PTPN5: variants seen among roughly 807,000 people sequenced by gnomAD.
The protein encoded by PTPN5 is tyrosine-protein phosphatase non-receptor type 5.
Under a neutral mutation model 73.9 loss-of-function variants are expected in PTPN5, and 29 were observed. The ratio of observed to expected loss-of-function variants is 0.39; its 90% CI spans 0.29 to 0.54. The LOEUF is 0.54. Ranked by LOEUF, PTPN5 falls within the 20% of genes least tolerant of loss-of-function variation. The pLI is 0.65. For synonymous variants in PTPN5, 267 were observed against 304.7 expected, an observed-to-expected ratio of 0.88 and a Z score of 1.29; for missense variants, 652 against 751.4, an observed-to-expected ratio of 0.87 and a Z score of 1.55.
At position 18,750,688 on chromosome 11, in the gene PTPN5, C is replaced by T. The variant is rs559722846; in HGVS notation, c.98-6489G>A. 4.6e-5 allele frequency among the ~76,000 whole-genome samples: 7 copies of T among 152,304 alleles called. No homozygotes were observed. In the South Asian group the frequency reaches 1.5e-3, roughly 32 times the overall value. On this transcript the variant is annotated intron_variant, in intron 3 of 14. Transcript: ENST00000358540. ...CAGGGAGGATTTGCCCTCCCTTATC[C>T]TCCTATCCTGCCAGCTTGGAGCCAG... is the stretch of plus-strand genomic sequence containing the variant.
At chr11:18,786,901 C>T (rs1851698751) in intron 1 of PTPN5, among the ~76,000 whole-genome samples, 1 of 152,148 alleles carries the variant, frequency 6.6e-6, no homozygotes, top group African/African-American at 2.4e-5. Flanking sequence ...AGCATCTTGT[C>T]CTGCAAATAT....
intron 1 of PTPN5, among the ~76,000 whole-genome samples, chr11:18,779,870 C>T (rs113173929): frequency 0.016 from 2,461 of 152,312 alleles, 53 homozygotes; most frequent in African/African-American, 0.055. Flanking sequence ...GGCCTTGGGT[C>T]GGTGTCCTAA....
chr11:18,742,176 G>A lies in PTPN5; in HGVS notation c.725+86C>T. 1 of 1,560,058 alleles carries A rather than the reference G, an allele frequency of 6.4e-7. No individual in the cohort carries two copies. On this transcript the variant is annotated intron_variant, in intron 7 of 14. Coordinates refer to ENST00000358540, the MANE Select transcript of PTPN5 (RefSeq NM_006906.2). The surrounding 1 kb of genome is among the most constrained non-coding windows in gnomAD (Gnocchi z 4.1). The stretch of plus-strand genomic sequence containing the variant: ...AAGGCCAGCTCTGCCCTGGGCACCA[G>A]GAGTCAGAGTCAGGCATCCACTCTT...
At chr11:18,767,394 G>A (rs1354582746) in intron 2 of PTPN5, among the ~76,000 whole-genome samples, 1 of 152,212 alleles carries the variant, frequency 6.6e-6, no homozygotes, top group African/African-American at 2.4e-5. Context: ...CCTGCAGAGA[G>A]GAGGTCACTT....
chr11:18,763,692 T>G (rs7924452), intron 3 of PTPN5, among the ~76,000 whole-genome samples: 148,746 of 152,320 alleles, frequency 0.98, 72,705 homozygotes, highest in Middle Eastern at 1. Context: ...TTTATTTACC[T>G]CTATATATCT....
chr11:18,750,942 T>C (rs995249632), intron 3 of PTPN5, among the ~76,000 whole-genome samples: 1 of 152,168 alleles, frequency 6.6e-6, no homozygotes, highest in Non-Finnish European at 1.5e-5. Flanking sequence ...ACAAGGGGGA[T>C]TGGTGGAGCA....
chr11:18,743,937 G>T, intron 4 of PTPN5, 69 bp downstream of exon 4: 1 of 1,501,480 alleles, frequency 6.7e-7, no homozygotes, highest in South Asian at 1.3e-5. Context: ...CCATCCTGGG[G>T]AGGAAGTGGG....
At chr11:18,764,338 A>G (rs1046496894) in intron 3 of PTPN5, among the ~76,000 whole-genome samples, 3 of 152,194 alleles carry the variant, frequency 2.0e-5, no homozygotes, top group Non-Finnish European at 4.4e-5. Flanking sequence ...CTTCCGCAAG[A>G]CAGCCATTCA....
intron 1 of PTPN5, among the ~76,000 whole-genome samples, chr11:18,780,555 C>G (rs1851370834): frequency 2.0e-5 from 3 of 152,116 alleles, no homozygotes; most frequent in African/African-American, 7.2e-5. Flanking sequence ...TGGTTTCCAG[C>G]CCTTCCAAGG....
At chr11:18,756,774 A>G (rs1419137218) in intron 3 of PTPN5, among the ~76,000 whole-genome samples, 3 of 151,798 alleles carry the variant, frequency 2.0e-5, no homozygotes, top group African/African-American at 4.8e-5. Context: ...TAAAAAAAAA[A>G]TTAGCCGGGT....
chr11:18,742,926 G>A lies in PTPN5; in HGVS notation c.483+66C>T, dbSNP rs1849437009. The A allele has an allele frequency of 3.8e-6, 4 of 1,063,140 alleles. No individual in the cohort carries two copies. The African/African-American group carries it at 6.3e-5, about 17-fold the overall frequency. The allele number at this position is 1,063,140 out of a possible 1,614,324, so 65.9% of individuals were successfully genotyped here. ...CCAGCCTATAAGTCAGATGGGAGCT[G>A]GTAGAAATCCAGGCCTCAAGGTCAG... is the stretch of plus-strand genomic sequence containing the variant. On this transcript the variant is annotated intron_variant, in intron 6 of 14. Coordinates refer to ENST00000358540, the MANE Select transcript of PTPN5 (RefSeq NM_006906.2). The surrounding 1 kb of genome is among the most constrained non-coding windows in gnomAD (Gnocchi z 4.1).
At position 18,768,029 on chromosome 11, in the gene PTPN5, T is replaced by C. The variant is rs571109774; in HGVS notation, c.21-2146A>G. On this transcript the variant is annotated intron_variant, in intron 2 of 14. Coordinates refer to ENST00000358540, the MANE Select transcript of PTPN5 (RefSeq NM_006906.2). ...CTCCATCATTAGACTGTGGCTTTCA[T>C]GAAGGCAGGGTCCACTATTTCTGTT... 9.8e-5 allele frequency among the ~76,000 whole-genome samples: 15 copies of C among 152,386 alleles called. No individual in the cohort carries two copies. In the South Asian group the frequency reaches 3.1e-3, roughly 32 times the overall value.
At chr11:18,757,088 C>T (rs573670038) in intron 3 of PTPN5, among the ~76,000 whole-genome samples, 21 of 152,166 alleles carry the variant, frequency 1.4e-4, no homozygotes, top group Admixed American at 9.8e-4. Context: ...TCAAAAAGGG[C>T]GGAGTCCAAA....
chr11:18,776,801 A>G (rs1241030020), intron 1 of PTPN5, among the ~76,000 whole-genome samples: 1 of 152,136 alleles, frequency 6.6e-6, no homozygotes, highest in Non-Finnish European at 1.5e-5. Context: ...TGTATCTGGC[A>G]CCAGGCAAAT....
intron 9 of PTPN5, 57 bp downstream of exon 9, chr11:18,737,823 G>A: frequency 2.0e-6 from 3 of 1,471,718 alleles, no homozygotes; most frequent in Non-Finnish European, 2.9e-6. Context: ...TCAGGGTGAG[G>A]GGATCCCCAG....
At chr11:18,744,250 A>G in intron 3 of PTPN5, 51 bp from the exon 4 acceptor site, 2 of 1,425,408 alleles carry the variant, frequency 1.4e-6, no homozygotes, top group Middle Eastern at 4.8e-4. Context: ...GTCCACAGGC[A>G]GGGCTCTGCC....
rs147863942 is a variant in PTPN5 at position 18,744,068 on chromosome 11, C to T, written c.229G>A (p.Ala77Thr). 7.2e-5 allele frequency: 116 copies of T among 1,608,996 alleles called. No homozygotes were observed. Among genetic ancestry groups the T allele is most frequent in the Admixed American group, 2.4e-4 (14 of 59,062 alleles). The change falls in exon 4 of 15, where the codon GCT becomes ACT. Residue 77 changes from alanine to threonine, a missense_variant. Ala to Thr is a moderately conservative substitution (Grantham distance 58). This residue lies in a region of PTPN5 where 529 missense variants were observed against 573.9 expected (regional missense o/e 0.92). Coordinates refer to ENST00000358540, the MANE Select transcript of PTPN5 (RefSeq NM_006906.2). ...DPAQKPPPRG[A>T]GSHSLTVRSS... ...CTGACAGTGAGGGAGTGGCTCCCAGCGCCTCGAGGTGGTGGCTTCTGAGCT... is the reference window on the plus strand; with the variant it reads ...CTGACAGTGAGGGAGTGGCTCCCAGTGCCTCGAGGTGGTGGCTTCTGAGCT...
intron 4 of PTPN5, 179 bp downstream of exon 4, chr11:18,743,827 G>A (rs1336765965): frequency 2.9e-5 from 20 of 682,768 alleles, no homozygotes; most frequent in South Asian, 2.1e-4. Flanking sequence ...ATGCTGGTGC[G>A]GTAGCTCAGA....
rs562525229 is a variant in PTPN5 at position 18,778,372 on chromosome 11, G to T, written c.-113-6301C>A. ...AACTGGCCTTCTGCTCTGATGGGCA[G>T]AGTCTCTGCCTTCTAGGATTAGGCC... On this transcript the variant is annotated intron_variant, in intron 1 of 14. Transcript: ENST00000358540. Among the ~76,000 whole-genome samples, 5 of 152,268 alleles carry T rather than the reference G, an allele frequency of 3.3e-5. 2 individuals carry two copies. Among genetic ancestry groups the T allele is most frequent in the African/African-American group, 1.2e-4 (5 of 41,500 alleles).
Sources: gnomAD v4.1 joint callset for allele counts (sites outside exome capture counted in the v4.1 genomes callset) on GRCh38, gnomAD v4.1.1 for gene constraint, gnomAD v4.1.1 regional missense constraint, Gnocchi (gnomAD v3.1) non-coding constraint, MANE v1.5 for transcripts, NCBI Gene and HGNC (gene_info 2026-07-23, HGNC 2026-07-21) for gene names.